The following EYS variants were observed in gnomAD, a reference collection of about 807,000 sequenced individuals.
The protein encoded by EYS is EGF-like photoreceptor maintenance factor.
A neutral mutation model predicts 282.1 loss-of-function variants in EYS; 250 were observed. The observed-to-expected ratio is 0.89, with a 90% confidence interval of 0.80 to 0.98. The LOEUF (loss-of-function observed/expected upper bound fraction) is 0.98. Among genes scored for constraint, EYS ranks in the 50% least tolerant of loss-of-function variants. The pLI is 0.00. For synonymous variants in EYS, 1,355 were observed against 1,282.9 expected (o/e 1.06, Z -1.20); for missense variants, 4,016 against 3,709.0 (o/e 1.08, Z -2.15).
intron 13 of EYS, among the ~76,000 whole-genome samples, chr6:65,053,453 G>A (rs1376129311): frequency 1.5e-5 from 2 of 131,734 alleles, no homozygotes; most frequent in African/African-American, 4.9e-5. Flanking sequence ...CTAGTACAAT[G>A]GGGTAAGAGT....
chr6:64,767,226 G>T (rs1420711960), intron 22 of EYS, among the ~76,000 whole-genome samples: 1 of 151,818 alleles, frequency 6.6e-6, no homozygotes, highest in East Asian at 1.9e-4. Context: ...ATCACATCAG[G>T]GTAATTAGCA....
At chr6:65,520,472 G>T (rs1167879193) in intron 2 of EYS, among the ~76,000 whole-genome samples, 1 of 152,002 alleles carries the variant, frequency 6.6e-6, no homozygotes, top group Non-Finnish European at 1.5e-5. Context: ...GAAATTTGAA[G>T]TTATAATGTC....
Position 64,694,655 on chromosome 6 carries a change from G to A in EYS, c.3444-68410C>T, listed in dbSNP as rs145984240. 7.2e-5 allele frequency among the ~76,000 whole-genome samples: 11 copies of A among 152,262 alleles called. No homozygotes were observed. The East Asian group carries it at 1.9e-3, about 27-fold the overall frequency. The stretch of plus-strand genomic sequence containing the variant: ...CACTGGTTTGGAGACTAACTGGATG[G>A]GAATTTGTGATGTAGTCTCAAGCTG... On this transcript the variant is annotated intron_variant, in intron 22 of 42. Coordinates refer to ENST00000503581, the MANE Select transcript of EYS (RefSeq NM_001142800.2).
intron 26 of EYS, among the ~76,000 whole-genome samples, chr6:64,575,697 G>T (rs1428566358): frequency 1.3e-5 from 2 of 152,098 alleles, no homozygotes; most frequent in African/African-American, 4.8e-5. Flanking sequence ...AGTAAGTGAA[G>T]AAGTCAAAGG....
chr6:64,715,889 G>A lies in EYS; in HGVS notation c.3444-89644C>T, dbSNP rs553656913. 2.0e-5 allele frequency among the ~76,000 whole-genome samples: 3 copies of A among 152,312 alleles called. No individual in the cohort carries two copies. In the South Asian group the frequency reaches 6.2e-4, roughly 32 times the overall value. ...AAGCAAGTTTTGTCACCCATTCTGT[G>A]CCACTGAGTTGTGCTTCCAGTGGTG... is the stretch of plus-strand genomic sequence containing the variant. On this transcript the variant is annotated intron_variant, in intron 22 of 42. Coordinates refer to ENST00000503581, the MANE Select transcript of EYS (RefSeq NM_001142800.2).
intron 22 of EYS, among the ~76,000 whole-genome samples, chr6:64,683,428 AT>A (rs1769973397): frequency 6.6e-6 from 1 of 152,214 alleles, no homozygotes; most frequent in Admixed American, 6.5e-5. Context: ...CCAAATGAAC[AT>A]TTTAAAACTA....
At chr6:65,603,473 C>A (rs1765680266) in intron 2 of EYS, among the ~76,000 whole-genome samples, 1 of 151,878 alleles carries the variant, frequency 6.6e-6, no homozygotes, top group Non-Finnish European at 1.5e-5. Context: ...TACATTTTTT[C>A]TGAAGAAAGA....
intron 24 of EYS, among the ~76,000 whole-genome samples, chr6:64,614,086 C>A (rs889316764): frequency 2.0e-5 from 3 of 152,082 alleles, no homozygotes; most frequent in Non-Finnish European, 4.4e-5. Context: ...TAAAGGCTTA[C>A]CCTCTCCCTA....
chr6:64,989,462 AATATAT>A (rs372288581), intron 14 of EYS, among the ~76,000 whole-genome samples: 24,644 of 99,964 alleles, frequency 0.25, 3,548 homozygotes, highest in African/African-American at 0.38. Flanking sequence ...GGCTAGCTGT[AATATAT>A]ATATATATAT....
intron 2 of EYS, among the ~76,000 whole-genome samples, chr6:65,539,717 T>C (rs6909236): frequency 0.28 from 41,927 of 152,084 alleles, 6,079 homozygotes; most frequent in East Asian, 0.41. Flanking sequence ...TAAATAAATA[T>C]TACAGCAGTT....
intron 12 of EYS, among the ~76,000 whole-genome samples, chr6:65,279,265 C>T (rs1768151296): frequency 6.6e-6 from 1 of 151,890 alleles, no homozygotes; most frequent in Admixed American, 6.6e-5. Flanking sequence ...AGGGCTCTCT[C>T]TTCCTGCAAC....
intron 14 of EYS, among the ~76,000 whole-genome samples, chr6:64,964,771 C>G (rs1034583824): frequency 1.3e-5 from 2 of 152,126 alleles, no homozygotes; most frequent in African/African-American, 4.8e-5. Flanking sequence ...GTTGCTCACA[C>G]CTGTAATCCC....
intron 14 of EYS, among the ~76,000 whole-genome samples, chr6:64,961,047 C>CTATCCATCAGTG (rs1769897171): frequency 6.6e-6 from 1 of 152,192 alleles, no homozygotes; most frequent in Non-Finnish European, 1.5e-5. Flanking sequence ...TTTATCCAGT[C>CTATCCATCAGTG]TATCACTGAT....
intron 32 of EYS, among the ~76,000 whole-genome samples, chr6:64,072,378 GT>G (rs1228187187): frequency 1.4e-5 from 2 of 143,376 alleles, no homozygotes; most frequent in Non-Finnish European, 1.5e-5. Flanking sequence ...TTAGCAGGTT[GT>G]TTTTTTTTTC....
chr6:64,292,641 T>C (rs979956190), intron 30 of EYS, among the ~76,000 whole-genome samples: 2 of 152,014 alleles, frequency 1.3e-5, no homozygotes, highest in African/African-American at 4.8e-5. Context: ...TTGTGCTGTT[T>C]TCTGAAATAT....
chr6:64,639,154 G>A (rs1211644339), intron 22 of EYS, among the ~76,000 whole-genome samples: 1 of 88,630 alleles, frequency 1.1e-5, no homozygotes, highest in Non-Finnish European at 2.4e-5. Flanking sequence ...GCATGTTTGT[G>A]TCCCCATTTC....
At chr6:65,331,088 A>G (rs1340069157) in intron 11 of EYS, 2 of 984,010 alleles carry the variant, frequency 2.0e-6, no homozygotes, top group Non-Finnish European at 1.2e-6. Context: ...GGTTCATCAG[A>G]TCCCACCCCA....
At chr6:65,386,112 G>T (rs1765792323) in intron 7 of EYS, among the ~76,000 whole-genome samples, 1 of 151,482 alleles carries the variant, frequency 6.6e-6, no homozygotes, top group Non-Finnish European at 1.5e-5. Flanking sequence ...GACCCAAATG[G>T]TGTTGAATGA....
chr6:64,412,956 T>G (rs898078546), intron 28 of EYS, among the ~76,000 whole-genome samples: 6 of 152,016 alleles, frequency 3.9e-5, no homozygotes, highest in African/African-American at 1.4e-4. Context: ...TTTAGCCGAA[T>G]TTATGATGCA....
Sources: gnomAD v4.1 joint callset for allele counts (sites outside exome capture counted in the v4.1 genomes callset) on GRCh38, gnomAD v4.1.1 for gene constraint, MANE v1.5 for transcripts, NCBI Gene and HGNC (gene_info 2026-07-23, HGNC 2026-07-21) for gene names.